Variants in CADM2 observed in about 807,000 individuals in gnomAD.
The protein encoded by CADM2 is cell adhesion molecule 2.
In CADM2, 12 loss-of-function variants were observed where a neutral mutation model predicts 49.8. The observed-to-expected ratio is 0.24, with a 90% CI of 0.15 to 0.39. The LOEUF (loss-of-function observed/expected upper bound fraction) is 0.39, where lower values mean the gene tolerates loss of function less well. CADM2 is among the 10% of genes least tolerant of loss of function. The pLI is 1.00. For synonymous variants in CADM2, 214 were observed against 175.4 expected (o/e 1.22, Z -1.74); for missense variants, 378 against 492.3 (o/e 0.77, Z 2.20).
At chr3:85,405,716 T>A (rs183476144) in intron 1 of CADM2, among the ~76,000 whole-genome samples, 6 of 152,162 alleles carry the variant, frequency 3.9e-5, no homozygotes, top group East Asian at 3.9e-4. Flanking sequence ...TTTTAAATTT[T>A]AATTTTATTT....
intron 7 of CADM2, among the ~76,000 whole-genome samples, chr3:85,958,270 T>C (rs1479507800): frequency 6.6e-6 from 1 of 151,986 alleles, no homozygotes; most frequent in African/African-American, 2.4e-5. Context: ...CCAGTCAGAA[T>C]GGCGATTATT....
chr3:85,242,450 G>GT (rs563384108), intron 1 of CADM2, among the ~76,000 whole-genome samples: 353 of 151,386 alleles, frequency 2.3e-3, no homozygotes, highest in African/African-American at 8.0e-3. Flanking sequence ...ATAGGAAAAT[G>GT]TTTTTTTACT....
At chr3:86,024,426 A>G (rs1021342081) in intron 8 of CADM2, among the ~76,000 whole-genome samples, 11 of 152,232 alleles carry the variant, frequency 7.2e-5, no homozygotes, top group Non-Finnish European at 1.6e-4. Context: ...AAATAAAATG[A>G]AAGACAATTG....
intron 8 of CADM2, among the ~76,000 whole-genome samples, chr3:86,045,607 A>G (rs1162843223): frequency 6.6e-6 from 1 of 151,972 alleles, no homozygotes; most frequent in Non-Finnish European, 1.5e-5. Context: ...AGCTGTTTCC[A>G]CCCATCTATC....
rs1235425182 is a variant in CADM2, at chr3:86,073,283, A to G, written c.*6500A>G. The G allele has an allele frequency of 2.0e-5, 3 of 152,078 alleles. No individual in the cohort carries two copies. Among genetic ancestry groups the G allele is most frequent in the African/African-American group, 7.2e-5 (3 of 41,444 alleles). 9.4% of individuals were successfully genotyped at this position (152,078 alleles called of 1,614,324 possible). ...GCTATTTATATGACATGAAATTCAT[A>G]ACTTTTGGAAGGGTATATTTATGAC... is the stretch of plus-strand genomic sequence containing the variant. On this transcript the variant is annotated 3_prime_UTR_variant, in exon 10 of 10. Coordinates refer to ENST00000383699, the MANE Select transcript of CADM2 (RefSeq NM_001167675.2).
chr3:85,740,976 GACA>G (rs2068357449), intron 2 of CADM2, among the ~76,000 whole-genome samples: 1 of 152,110 alleles, frequency 6.6e-6, no homozygotes, highest in African/African-American at 2.4e-5. Flanking sequence ...CCTAGTTCAG[GACA>G]ACAATTCTCT....
At chr3:85,665,768 T>G (rs971619356) in intron 1 of CADM2, among the ~76,000 whole-genome samples, 1 of 152,008 alleles carries the variant, frequency 6.6e-6, no homozygotes, top group African/African-American at 2.4e-5. Context: ...TTTACTAAAT[T>G]TTTAACTCTC....
intron 1 of CADM2, among the ~76,000 whole-genome samples, chr3:85,463,316 A>G (rs1429528631): frequency 6.6e-6 from 1 of 152,112 alleles, no homozygotes; most frequent in African/African-American, 2.4e-5. Context: ...TATTCTCTCT[A>G]AGGGGCTCTT....
At chr3:85,593,126 A>T (rs759617446) in intron 1 of CADM2, among the ~76,000 whole-genome samples, 5 of 151,794 alleles carry the variant, frequency 3.3e-5, no homozygotes, top group Non-Finnish European at 7.4e-5. Flanking sequence ...TATTTTGTAC[A>T]TTAATACACA....
intron 1 of CADM2, among the ~76,000 whole-genome samples, chr3:85,516,347 C>T (rs2060902888): frequency 6.6e-6 from 1 of 152,078 alleles, no homozygotes; most frequent in African/African-American, 2.4e-5. Flanking sequence ...GTATTGGTTC[C>T]ATGCCAGATT....
chr3:85,290,234 C>T (rs1434664664), intron 1 of CADM2, among the ~76,000 whole-genome samples: 1 of 152,182 alleles, frequency 6.6e-6, no homozygotes, highest in African/African-American at 2.4e-5. Flanking sequence ...TTCCGATCGG[C>T]TTAAAAAATG....
At chr3:85,931,518 A>G (rs1242308365) in intron 6 of CADM2, among the ~76,000 whole-genome samples, 2 of 152,202 alleles carry the variant, frequency 1.3e-5, no homozygotes, top group African/African-American at 4.8e-5. Context: ...TTGTTTAAAC[A>G]CTATGCAAGA....
intron 3 of CADM2, among the ~76,000 whole-genome samples, chr3:85,881,992 T>C (rs1712862608): frequency 6.6e-6 from 1 of 152,148 alleles, no homozygotes; most frequent in African/African-American, 2.4e-5. Flanking sequence ...GCTCAGGCAG[T>C]AATGTTGGCT....
intron 1 of CADM2, among the ~76,000 whole-genome samples, chr3:84,981,700 C>A (rs1031970807): frequency 1.3e-5 from 2 of 151,898 alleles, no homozygotes; most frequent in African/African-American, 4.8e-5. Flanking sequence ...ATTCTTTCTT[C>A]TTTAAATCAG....
At chr3:85,755,876 A>T (rs192743002) in intron 2 of CADM2, among the ~76,000 whole-genome samples, 1 of 152,298 alleles carries the variant, frequency 6.6e-6, no homozygotes, top group African/African-American at 2.4e-5. Context: ...TCAGAACCAT[A>T]TCAGATATGA....
At chr3:84,973,473 C>A (rs2107102683) in intron 1 of CADM2, among the ~76,000 whole-genome samples, 1 of 152,056 alleles carries the variant, frequency 6.6e-6, no homozygotes, top group East Asian at 1.9e-4. Context: ...TTGAAAGAAC[C>A]TGACAGGTGA....
At position 85,247,504 on chromosome 3, in the gene CADM2, T is replaced by C. The variant is rs150569785; in HGVS notation, c.61+287836T>C. Among the ~76,000 whole-genome samples, 17 of 152,244 alleles carry C rather than the reference T, an allele frequency of 1.1e-4. No individual in the cohort carries two copies. In the East Asian group the frequency reaches 3.3e-3, roughly 29 times the overall value. On this transcript the variant is annotated intron_variant, in intron 1 of 9. Coordinates refer to ENST00000383699, the MANE Select transcript of CADM2 (RefSeq NM_001167675.2). ...AACAAATATTTGGAATTATAAGATA[T>C]TGCAAAAGGATTTGTCTTTTCATAA...
intron 8 of CADM2, chr3:86,012,801 C>T (rs936627947): frequency 1.8e-6 from 1 of 561,134 alleles, no homozygotes; most frequent in South Asian, 1.9e-5. Flanking sequence ...ACGGTGAAAC[C>T]CCGTCTCTAC....
intron 1 of CADM2, among the ~76,000 whole-genome samples, chr3:85,505,042 C>G (rs2040277961): frequency 6.6e-6 from 1 of 152,136 alleles, no homozygotes; most frequent in Admixed American, 6.5e-5. Context: ...AGCCCCGGTT[C>G]CCGCTGGCGC....
Sources: allele counts gnomAD v4.1 joint callset (sites outside exome capture counted in the v4.1 genomes callset), GRCh38; gene constraint gnomAD v4.1.1; transcripts MANE v1.5; gene names NCBI Gene and HGNC (gene_info 2026-07-23, HGNC 2026-07-21).